Variants in ITGA4 observed in about 807,000 individuals in gnomAD.
ITGA4 encodes integrin alpha-4.
Under a neutral mutation model 133.6 loss-of-function variants are expected in ITGA4, and 63 were observed. The observed-to-expected ratio is 0.47, with a 90% CI of 0.38 to 0.58. ITGA4 has a LOEUF of 0.58. ITGA4 is among the 20% of genes least tolerant of loss of function. The pLI is 0.00. For missense variants in ITGA4, 1,076 were observed against 1,252.7 expected (o/e 0.86, Z 2.13); for synonymous variants, 483 against 438.0 (o/e 1.10, Z -1.28).
At chr2:181,463,517 A>G (rs1685338255) in intron 2 of ITGA4, among the ~76,000 whole-genome samples, 1 of 152,184 alleles carries the variant, frequency 6.6e-6, no homozygotes, top group South Asian at 2.1e-4. Flanking sequence ...GAAGGTATTT[A>G]GGAGATAGCA....
intron 12 of ITGA4, 83 bp downstream of exon 12, chr2:181,494,895 G>T: frequency 2.7e-6 from 2 of 735,422 alleles, no homozygotes; most frequent in Non-Finnish European, 4.8e-6. Context: ...CGTAAAACTG[G>T]TATGAAAGAC....
In ITGA4 at chr2:181,537,240, GA is replaced by G. The variant is rs1352558049; in HGVS notation, c.*1716del. On this transcript the variant is annotated 3_prime_UTR_variant, in exon 28 of 28. Transcript: ENST00000397033. ...TGTCTTCTCCAGGATGGTCTCTAAGGAAATTTACATTTGGTTCTTTCCTACT... is the reference window on the plus strand; with the variant it reads ...TGTCTTCTCCAGGATGGTCTCTAAGGAATTTACATTTGGTTCTTTCCTACT... 2 of 453,678 alleles carry G rather than the reference GA, an allele frequency of 4.4e-6. No homozygotes were observed. Among genetic ancestry groups the G allele is most frequent in the Non-Finnish European group, 8.8e-6 (2 of 226,720 alleles). The allele number at this position is 453,678 out of a possible 1,614,324, so 28.1% of individuals were successfully genotyped here. A position where few individuals can be genotyped will look rare whatever the true frequency, so the allele number is the denominator to read the frequency against.
chr2:181,480,119 G>T lies in ITGA4; in HGVS notation c.625-18G>T, dbSNP rs200504376. The stretch of plus-strand genomic sequence containing the variant: ...TGAGATTAAAGTTTAAATAATAATA[G>T]TTTTTTTTTTCTTACAGGATTTAAT... On this transcript the variant is annotated intron_variant, in intron 5 of 27. Coordinates refer to ENST00000397033, the MANE Select transcript of ITGA4 (RefSeq NM_000885.6). 1.9e-5 allele frequency: 25 copies of T among 1,338,222 alleles called. No individual in the cohort carries two copies. The highest frequency in any genetic ancestry group is 2.4e-5 in the Non-Finnish European group (24 of 991,064). 82.9% of individuals were successfully genotyped at this position (1,338,222 alleles called of 1,614,324 possible). A position where few individuals can be genotyped will look rare whatever the true frequency, so the allele number is the denominator to read the frequency against.
At chr2:181,531,062 C>T (rs965035585) in intron 24 of ITGA4, among the ~76,000 whole-genome samples, 6 of 152,094 alleles carry the variant, frequency 3.9e-5, no homozygotes, top group African/African-American at 1.4e-4. Context: ...TTGCAGTGAG[C>T]CGAGATCACG....
At chr2:181,519,149 C>T (rs1309124243) in intron 17 of ITGA4, among the ~76,000 whole-genome samples, 1 of 152,040 alleles carries the variant, frequency 6.6e-6, no homozygotes, top group Admixed American at 6.6e-5. Context: ...AAACATTTTA[C>T]AACTACATGT....
At chr2:181,514,737 C>T (rs1164410896) in intron 17 of ITGA4, among the ~76,000 whole-genome samples, 3 of 152,042 alleles carry the variant, frequency 2.0e-5, no homozygotes, top group Non-Finnish European at 4.4e-5. Flanking sequence ...TATCACCTTT[C>T]ATTGCAGTCT....
chr2:181,530,413 C>T, intron 23 of ITGA4, 111 bp from the exon 24 acceptor site: 1 of 944,208 alleles, frequency 1.1e-6, no homozygotes. Context: ...TTCAGAGGTA[C>T]TTGATATATT....
At chr2:181,533,602 A>G (rs1449259) in intron 25 of ITGA4, among the ~76,000 whole-genome samples, 16,057 of 152,098 alleles carry the variant, frequency 0.11, 1,201 homozygotes, top group East Asian at 0.22. Flanking sequence ...GACATTCCTG[A>G]CTGTCCCTTA....
chr2:181,489,884 TAAA>T (rs1042167685), intron 10 of ITGA4, among the ~76,000 whole-genome samples: 1 of 152,148 alleles, frequency 6.6e-6, no homozygotes, highest in Admixed American at 6.5e-5. Flanking sequence ...GACGCCGAGT[TAAA>T]GAAGGAAGGG....
At chr2:181,478,709 T>G (rs1169759607) in intron 4 of ITGA4, 48 bp from the exon 5 acceptor site, 1 of 815,592 alleles carries the variant, frequency 1.2e-6, no homozygotes, top group Non-Finnish European at 1.9e-6. Context: ...ATTATGGAGA[T>G]TTTATCTTTA....
At chr2:181,487,367 A>G (rs1322242943) in intron 10 of ITGA4, among the ~76,000 whole-genome samples, 3 of 152,036 alleles carry the variant, frequency 2.0e-5, no homozygotes, top group Non-Finnish European at 4.4e-5. Context: ...GTCATATTTT[A>G]TGCCCTTCCT....
At chr2:181,466,832 T>A (rs1342730273) in intron 2 of ITGA4, among the ~76,000 whole-genome samples, 1 of 152,162 alleles carries the variant, frequency 6.6e-6, no homozygotes, top group African/African-American at 2.4e-5. Context: ...GAGCGCCCTC[T>A]GCTGGCTCAG....
chr2:181,512,660 T>TA (rs1686529053), intron 17 of ITGA4, among the ~76,000 whole-genome samples: 1 of 152,028 alleles, frequency 6.6e-6, no homozygotes, highest in South Asian at 2.1e-4. Context: ...CTTAATATTG[T>TA]AAAATTTATA....
At chr2:181,494,058 G>A (rs1054679596) in intron 11 of ITGA4, among the ~76,000 whole-genome samples, 1 of 152,096 alleles carries the variant, frequency 6.6e-6, no homozygotes, top group Non-Finnish European at 1.5e-5. Context: ...TGACATAAAA[G>A]AAATGTATTT....
intron 2 of ITGA4, among the ~76,000 whole-genome samples, chr2:181,466,295 A>T (rs1685411457): frequency 6.6e-6 from 1 of 151,604 alleles, no homozygotes; most frequent in Non-Finnish European, 1.5e-5. Flanking sequence ...ATAGAATAAG[A>T]TAAAAAAAAA....
intron 2 of ITGA4, among the ~76,000 whole-genome samples, chr2:181,468,624 G>A (rs1685478231): frequency 6.6e-6 from 1 of 152,124 alleles, no homozygotes; most frequent in Non-Finnish European, 1.5e-5. Context: ...ATGAAAGGGG[G>A]AGGAGTAAAG....
intron 17 of ITGA4, among the ~76,000 whole-genome samples, 160 bp from the exon 18 acceptor site, chr2:181,522,031 T>G (rs1686731510): frequency 1.3e-5 from 2 of 152,170 alleles, no homozygotes; most frequent in Admixed American, 1.3e-4. Context: ...TTAATATGGT[T>G]TTACATCTGC....
chr2:181,524,953 A>C (rs1340382630), intron 20 of ITGA4, among the ~76,000 whole-genome samples: 2 of 146,638 alleles, frequency 1.4e-5, no homozygotes, highest in East Asian at 4.1e-4. Context: ...AAATGTAACT[A>C]TTTGTTAAAA....
intron 18 of ITGA4, 142 bp downstream of exon 18, chr2:181,522,483 GC>G (rs1309768208): frequency 5.3e-6 from 3 of 562,592 alleles, no homozygotes; most frequent in Non-Finnish European, 8.9e-6. Context: ...CTTACTCTGT[GC>G]CCCTGCTCAG....
Sources: allele counts gnomAD v4.1 joint callset (sites outside exome capture counted in the v4.1 genomes callset), GRCh38; gene constraint gnomAD v4.1.1; transcripts MANE v1.5; gene names NCBI Gene and HGNC (gene_info 2026-07-23, HGNC 2026-07-21).